SLC6A11: variants seen among roughly 807,000 people sequenced by gnomAD.
The protein encoded by SLC6A11 is sodium- and chloride-dependent GABA transporter 3.
SLC6A11 carries 25 observed loss-of-function variants against 74.8 expected under a neutral mutation model. That is an observed-to-expected ratio of 0.33 (90% CI 0.24 to 0.47). The LOEUF (loss-of-function observed/expected upper bound fraction) is 0.47, where lower values mean the gene tolerates loss of function less well. SLC6A11 is among the 20% of genes least tolerant of loss of function. The pLI is 1.00. For missense variants in SLC6A11, 574 were observed against 837.0 expected (o/e 0.69, Z 3.88); for synonymous variants, 330 against 330.2 (o/e 1.00, Z 0.01).
intron 6 of SLC6A11, among the ~76,000 whole-genome samples, chr3:10,889,181 C>A (rs1695079449): frequency 6.6e-6 from 1 of 152,142 alleles, no homozygotes; most frequent in South Asian, 2.1e-4. Flanking sequence ...ATACACCCCA[C>A]ACCTCCTCCC....
chr3:10,934,329 T>C (rs931244485), intron 12 of SLC6A11, among the ~76,000 whole-genome samples, 163 bp downstream of exon 12: 2 of 152,186 alleles, frequency 1.3e-5, no homozygotes, highest in African/African-American at 4.8e-5. Flanking sequence ...GGGCACAGGC[T>C]CTGGGCTTGG....
chr3:10,843,411 C>T (rs1036427460), intron 4 of SLC6A11, among the ~76,000 whole-genome samples: 1 of 152,188 alleles, frequency 6.6e-6, no homozygotes, highest in Non-Finnish European at 1.5e-5. Context: ...CCAAAGCACA[C>T]CATCCTCTAC....
At chr3:10,836,306 A>T (rs1694366271) in intron 4 of SLC6A11, among the ~76,000 whole-genome samples, 1 of 152,232 alleles carries the variant, frequency 6.6e-6, no homozygotes, top group Non-Finnish European at 1.5e-5. Context: ...GGCTATTACG[A>T]ATAATGCTGC....
intron 7 of SLC6A11, among the ~76,000 whole-genome samples, chr3:10,913,053 C>T (rs1359026275): frequency 2.9e-5 from 4 of 136,152 alleles, no homozygotes; most frequent in Admixed American, 7.3e-5. Flanking sequence ...GGAAGGTTGC[C>T]TTTTTTTTTT....
intron 5 of SLC6A11, among the ~76,000 whole-genome samples, chr3:10,865,655 C>G (rs1694754925): frequency 6.6e-6 from 1 of 152,150 alleles, no homozygotes; most frequent in Non-Finnish European, 1.5e-5. Context: ...GAGTGAGATT[C>G]TATCTCAAAA....
intron 1 of SLC6A11, among the ~76,000 whole-genome samples, chr3:10,817,688 C>T (rs1364383948): frequency 3.9e-5 from 6 of 152,152 alleles, no homozygotes; most frequent in African/African-American, 1.4e-4. Flanking sequence ...GAGCAGCTGC[C>T]GGGAGAGGGA....
intron 4 of SLC6A11, among the ~76,000 whole-genome samples, chr3:10,834,911 A>G (rs1263090822): frequency 1.3e-5 from 2 of 152,158 alleles, no homozygotes; most frequent in African/African-American, 4.8e-5. Context: ...CAGACCTCCC[A>G]ACCTCACTTC....
At chr3:10,858,576 T>C (rs551975681) in intron 5 of SLC6A11, among the ~76,000 whole-genome samples, 28 of 152,366 alleles carry the variant, frequency 1.8e-4, no homozygotes, top group African/African-American at 6.0e-4. Flanking sequence ...CACTAACTTA[T>C]GTTATGTCAT....
At chr3:10,863,874 C>G (rs770894900) in intron 5 of SLC6A11, among the ~76,000 whole-genome samples, 1 of 152,034 alleles carries the variant, frequency 6.6e-6, no homozygotes, top group African/African-American at 2.4e-5. Flanking sequence ...GGGGTCCGTT[C>G]GGGGCTTCGG....
chr3:10,910,245 C>CTT (rs1695368771), intron 6 of SLC6A11, among the ~76,000 whole-genome samples: 1 of 152,206 alleles, frequency 6.6e-6, no homozygotes. Context: ...TGTTGAATGA[C>CTT]TTAACACAGT....
intron 5 of SLC6A11, among the ~76,000 whole-genome samples, chr3:10,870,976 T>C (rs775341860): frequency 6.6e-6 from 1 of 152,166 alleles, no homozygotes; most frequent in Non-Finnish European, 1.5e-5. Flanking sequence ...AAAAGAAGTA[T>C]AAAAATGAAG....
At chr3:10,901,884 T>G (rs1695245182) in intron 6 of SLC6A11, among the ~76,000 whole-genome samples, 1 of 152,266 alleles carries the variant, frequency 6.6e-6, no homozygotes, top group Non-Finnish European at 1.5e-5. Flanking sequence ...AAAGCCGTTG[T>G]CAGGTACACA....
intron 6 of SLC6A11, among the ~76,000 whole-genome samples, chr3:10,898,412 C>G (rs552291818): frequency 2.6e-5 from 4 of 152,202 alleles, no homozygotes; most frequent in Admixed American, 2.0e-4. Context: ...AAACTGAATG[C>G]CTTTAACAGC....
rs116543901 is a variant in SLC6A11 at position 10,932,572 on chromosome 3, G to A, written c.1372-579G>A. 8.7e-3 allele frequency among the ~76,000 whole-genome samples: 1,322 copies of A among 152,282 alleles called. 14 individuals carry two copies. Among genetic ancestry groups the A allele is most frequent in the African/African-American group, 0.03 (1,236 of 41,540 alleles). On this transcript the variant is annotated intron_variant, in intron 10 of 13. Transcript: ENST00000254488. ...TCTGAGCTTTGAAGGAGCTTACCAG[G>A]TGAAAGGGAATAGCATGTGTAGAGG...
intron 6 of SLC6A11, among the ~76,000 whole-genome samples, chr3:10,908,216 A>G (rs1695335659): frequency 1.3e-5 from 2 of 152,240 alleles, no homozygotes; most frequent in Admixed American, 1.3e-4. Flanking sequence ...ATATAATAAC[A>G]TATATATGAA....
At chr3:10,906,524 A>C (rs1381215116) in intron 6 of SLC6A11, among the ~76,000 whole-genome samples, 2 of 152,136 alleles carry the variant, frequency 1.3e-5, no homozygotes, top group Non-Finnish European at 2.9e-5. Flanking sequence ...CTGGGAGAGG[A>C]CTCTCTTTGG....
intron 13 of SLC6A11, among the ~76,000 whole-genome samples, chr3:10,937,965 T>G (rs1196924095): frequency 6.6e-6 from 1 of 152,208 alleles, no homozygotes; most frequent in East Asian, 1.9e-4. Flanking sequence ...CAACCTTTCC[T>G]AGCCAGGTGC....
intron 5 of SLC6A11, among the ~76,000 whole-genome samples, chr3:10,873,166 T>C (rs1190045344): frequency 6.6e-6 from 1 of 152,180 alleles, no homozygotes; most frequent in African/African-American, 2.4e-5. Flanking sequence ...TCTAGGCCGC[T>C]CTTGTGCGAG....
In SLC6A11 at chr3:10,902,201, C is replaced by T. The variant is rs545385896; in HGVS notation, c.892-9889C>T. Among the ~76,000 whole-genome samples the T allele has an allele frequency of 3.9e-5, 6 of 152,270 alleles. No homozygotes were observed. In the South Asian group the frequency reaches 1.2e-3, roughly 31 times the overall value. ...CAAGCTCTGATCTGGCTTCTTGGAT[C>T]CAAAAGCCCATACCCCATGTACTGT... On this transcript the variant is annotated intron_variant, in intron 6 of 13. Coordinates refer to ENST00000254488, the MANE Select transcript of SLC6A11 (RefSeq NM_014229.3).
Sources: gnomAD v4.1 joint callset for allele counts (sites outside exome capture counted in the v4.1 genomes callset) on GRCh38, gnomAD v4.1.1 for gene constraint, MANE v1.5 for transcripts, NCBI Gene and HGNC (gene_info 2026-07-23, HGNC 2026-07-21) for gene names.